LRRC7: variants seen among roughly 807,000 people sequenced by gnomAD.
The protein encoded by LRRC7 is leucine-rich repeat-containing protein 7.
LRRC7 carries 23 observed loss-of-function variants against 175.7 expected under a neutral mutation model. That is an observed-to-expected ratio of 0.13 (90% CI 0.09 to 0.19). The LOEUF is 0.19. LRRC7 is among the 10% of genes least tolerant of loss of function. The pLI is 1.00. For synonymous variants in LRRC7, 685 were observed against 680.9 expected (o/e 1.01, Z -0.09); for missense variants, 1,354 against 1,904.7 (o/e 0.71, Z 5.38).
intron 1 of LRRC7, among the ~76,000 whole-genome samples, chr1:69,586,053 T>C (rs1012920519): frequency 6.6e-6 from 1 of 152,184 alleles, no homozygotes; most frequent in African/African-American, 2.4e-5. Context: ...AAATCTACTG[T>C]TGTTAAATAG....
At chr1:69,676,526 T>C (rs192640559) in intron 1 of LRRC7, among the ~76,000 whole-genome samples, 115 of 152,230 alleles carry the variant, frequency 7.6e-4, no homozygotes, top group Admixed American at 7.3e-3. Context: ...TGTGCAAAAC[T>C]GTAAACTTTA....
At chr1:69,995,973 C>A (rs1475221114) in intron 11 of LRRC7, among the ~76,000 whole-genome samples, 1 of 148,994 alleles carries the variant, frequency 6.7e-6, no homozygotes, top group Non-Finnish European at 1.5e-5. Context: ...CCTGAGGAAT[C>A]GCCACACTGA....
chr1:69,976,778 T>C (rs537135098), intron 8 of LRRC7, among the ~76,000 whole-genome samples: 1 of 152,306 alleles, frequency 6.6e-6, no homozygotes, highest in African/African-American at 2.4e-5. Flanking sequence ...AGTATTAGTG[T>C]CCCTTAAGGT....
intron 23 of LRRC7, among the ~76,000 whole-genome samples, chr1:70,068,834 G>C (rs622549): frequency 0.61 from 92,815 of 151,906 alleles, 28,719 homozygotes; most frequent in Middle Eastern, 0.67. Flanking sequence ...TCCTACCTCA[G>C]CCTCTCGAGT....
At chr1:69,851,680 A>G (rs1055477476) in intron 7 of LRRC7, among the ~76,000 whole-genome samples, 6 of 152,194 alleles carry the variant, frequency 3.9e-5, no homozygotes, top group African/African-American at 1.4e-4. Flanking sequence ...TTAAGGAGAC[A>G]AGAAAAAGCA....
chr1:69,622,052 T>A (rs1365297128), intron 1 of LRRC7, among the ~76,000 whole-genome samples: 1 of 152,214 alleles, frequency 6.6e-6, no homozygotes, highest in Admixed American at 6.5e-5. Flanking sequence ...ATCCTGAAAT[T>A]AGACTAGTAA....
intron 7 of LRRC7, among the ~76,000 whole-genome samples, chr1:69,912,078 C>T (rs189957054): frequency 1.3e-4 from 20 of 152,120 alleles, no homozygotes; most frequent in East Asian, 5.8e-4. Context: ...ACTACTATGC[C>T]ATTTTGCAGA....
intron 2 of LRRC7, among the ~76,000 whole-genome samples, chr1:69,744,208 C>T (rs1298594901): frequency 1.3e-5 from 2 of 151,664 alleles, no homozygotes; most frequent in Admixed American, 6.6e-5. Flanking sequence ...TACTTATTTC[C>T]AAGTGCCAAT....
chr1:69,691,226 C>G (rs1283753713), intron 2 of LRRC7, among the ~76,000 whole-genome samples: 1 of 152,076 alleles, frequency 6.6e-6, no homozygotes, highest in African/African-American at 2.4e-5. Context: ...CCCCTCCCTT[C>G]TTACCTGAAT....
At chr1:69,739,967 T>TACAGATATGAGCAGCATCGCA (rs1408471991) in intron 2 of LRRC7, among the ~76,000 whole-genome samples, 15 of 152,066 alleles carry the variant, frequency 9.9e-5, no homozygotes, top group Non-Finnish European at 1.8e-4. Flanking sequence ...ATCCAGTGTT[T>TACAGATATGAGCAGCATCGCA]ACAGATATGA....
intron 1 of LRRC7, among the ~76,000 whole-genome samples, chr1:69,659,689 G>T (rs1051778940): frequency 6.6e-6 from 1 of 151,898 alleles, no homozygotes; most frequent in Admixed American, 6.6e-5. Context: ...AACAGAGAGG[G>T]TTTAAAAAAT....
intron 1 of LRRC7, among the ~76,000 whole-genome samples, chr1:69,635,570 T>C (rs780254819): frequency 9.2e-5 from 14 of 152,122 alleles, no homozygotes; most frequent in Non-Finnish European, 1.5e-4. Flanking sequence ...TGTTTATCCA[T>C]CTAAAATGCT....
chr1:69,610,127 A>G (rs976399849), intron 1 of LRRC7, among the ~76,000 whole-genome samples: 8 of 152,082 alleles, frequency 5.3e-5, no homozygotes, highest in African/African-American at 1.7e-4. Context: ...ACCAAACTCT[A>G]TAATGGGTTC....
intron 1 of LRRC7, among the ~76,000 whole-genome samples, chr1:69,596,868 T>G (rs1646866141): frequency 1.3e-5 from 2 of 152,234 alleles, no homozygotes; most frequent in African/African-American, 2.4e-5. Flanking sequence ...TTCTCCTCTT[T>G]CACTGGTGTC....
intron 1 of LRRC7, among the ~76,000 whole-genome samples, chr1:69,574,092 T>A (rs1645847966): frequency 6.6e-6 from 1 of 152,084 alleles, no homozygotes; most frequent in Non-Finnish European, 1.5e-5. Flanking sequence ...AGTGGAACTC[T>A]AGGATACTTG....
chr1:69,605,572 T>C (rs1569871265), intron 1 of LRRC7, among the ~76,000 whole-genome samples: 1 of 152,268 alleles, frequency 6.6e-6, no homozygotes, highest in East Asian at 1.9e-4. Context: ...TTAAGGGACA[T>C]GCAATGTATA....
intron 8 of LRRC7, among the ~76,000 whole-genome samples, chr1:69,939,406 C>T (rs1444913064): frequency 1.3e-5 from 2 of 151,924 alleles, no homozygotes; most frequent in African/African-American, 4.8e-5. Context: ...TTACTGAATT[C>T]TAGTGTCACC....
intron 3 of LRRC7, among the ~76,000 whole-genome samples, chr1:69,768,777 T>C (rs138689128): frequency 6.6e-6 from 1 of 152,334 alleles, no homozygotes; most frequent in Non-Finnish European, 1.5e-5. Flanking sequence ...GGATAGTTTA[T>C]GTGATTCCTC....
intron 7 of LRRC7, among the ~76,000 whole-genome samples, chr1:69,844,525 T>C (rs975201125): frequency 6.6e-6 from 1 of 152,104 alleles, no homozygotes; most frequent in African/African-American, 2.4e-5. Flanking sequence ...CCTTCTTTTC[T>C]AACGTGGAAT....
Sources: gnomAD v4.1 joint callset for allele counts (sites outside exome capture counted in the v4.1 genomes callset) on GRCh38, gnomAD v4.1.1 for gene constraint, MANE v1.5 for transcripts, NCBI Gene and HGNC (gene_info 2026-07-23, HGNC 2026-07-21) for gene names.